The following AGBL1 variants were observed in gnomAD, a reference collection of about 807,000 sequenced individuals.
The protein encoded by AGBL1 is AGBL carboxypeptidase 1.
Under a neutral mutation model 118.9 loss-of-function variants are expected in AGBL1, and 130 were observed. The ratio of observed to expected loss-of-function variants is 1.09; its 90% CI spans 0.95 to 1.26. The LOEUF (loss-of-function observed/expected upper bound fraction) is 1.26. Among genes scored for constraint, AGBL1 ranks in the 50% most tolerant of loss-of-function variants. AGBL1 has a pLI of 0.00. For synonymous variants in AGBL1, 555 were observed against 478.9 expected, an observed-to-expected ratio of 1.16 and a Z score of -2.08; for missense variants, 1,584 against 1,298.1, an observed-to-expected ratio of 1.22 and a Z score of -3.38.
intron 18 of AGBL1, among the ~76,000 whole-genome samples, chr15:86,508,947 A>C (rs953304623): frequency 3.3e-5 from 5 of 152,134 alleles, no homozygotes; most frequent in African/African-American, 1.2e-4. Context: ...TATGACACTT[A>C]AGCCTAAGAA....
chr15:86,201,889 C>T (rs544725642), intron 5 of AGBL1, among the ~76,000 whole-genome samples: 14 of 152,174 alleles, frequency 9.2e-5, no homozygotes, highest in Non-Finnish European at 1.8e-4. Context: ...GCAACTCACA[C>T]AAGGACAGAT....
At chr15:86,668,916 C>A (rs1042344353) in intron 21 of AGBL1, among the ~76,000 whole-genome samples, 1 of 152,116 alleles carries the variant, frequency 6.6e-6, no homozygotes, top group Non-Finnish European at 1.5e-5. Flanking sequence ...CTAAACACAG[C>A]CCTCCTTCAA....
At chr15:86,116,977 C>A (rs973004209) in intron 1 of AGBL1, among the ~76,000 whole-genome samples, 2 of 139,732 alleles carry the variant, frequency 1.4e-5, no homozygotes, top group Admixed American at 7.4e-5. Context: ...AACATGTTTT[C>A]GTGTTACTTA....
At chr15:86,119,081 C>A (rs1299014646) in intron 1 of AGBL1, among the ~76,000 whole-genome samples, 1 of 152,184 alleles carries the variant, frequency 6.6e-6, no homozygotes, top group African/African-American at 2.4e-5. Context: ...TTGCTCCTTT[C>A]TCTAGATTAT....
rs996106844 is a variant in AGBL1, at chr15:86,108,738, C to T, written c.51+28715C>T. ...CTTTGGGAGGCCGAGACGGGCGGAT[C>T]ACGAGGTCAAGAGATCGAAGCCATC... On this transcript the variant is annotated intron_variant, in intron 1 of 22. Transcript: ENST00000614907. Among the ~76,000 whole-genome samples the T allele has an allele frequency of 4.7e-4, 72 of 152,280 alleles. 1 individual carries two copies. The highest frequency in any genetic ancestry group is 1.5e-3 in the African/African-American group (64 of 41,552).
chr15:86,929,712 G>C (rs767742401), intron 23 of AGBL1, among the ~76,000 whole-genome samples: 3 of 152,188 alleles, frequency 2.0e-5, no homozygotes, highest in Non-Finnish European at 4.4e-5. Flanking sequence ...GAGGAATCCG[G>C]GCTTTCCAGA....
At chr15:86,365,859 C>G (rs1444592214) in intron 17 of AGBL1, among the ~76,000 whole-genome samples, 1 of 152,158 alleles carries the variant, frequency 6.6e-6, no homozygotes, top group African/African-American at 2.4e-5. Flanking sequence ...CAGGGCCAAT[C>G]TGTGCTTCGT....
chr15:86,211,927 C>T (rs529141530), intron 5 of AGBL1, among the ~76,000 whole-genome samples: 308 of 152,232 alleles, frequency 2.0e-3, no homozygotes, highest in Admixed American at 3.9e-3. Flanking sequence ...GTGTTGTTCA[C>T]GCTGGGAACT....
chr15:86,233,858 C>G (rs553869976), intron 6 of AGBL1, among the ~76,000 whole-genome samples: 2 of 152,292 alleles, frequency 1.3e-5, no homozygotes, highest in African/African-American at 4.8e-5. Flanking sequence ...GGGTCAGCTT[C>G]CAGTTGGGAT....
At chr15:87,031,392 C>A (rs2081781194), downstream of AGBL1, among the ~76,000 whole-genome samples, 1 of 151,794 alleles carries the variant, frequency 6.6e-6, no homozygotes, top group Non-Finnish European at 1.5e-5. Flanking sequence ...ATATGTGGCT[C>A]CCTTATTGTA....
At chr15:86,377,904 A>C (rs982963363) in intron 17 of AGBL1, among the ~76,000 whole-genome samples, 2 of 152,212 alleles carry the variant, frequency 1.3e-5, no homozygotes, top group Non-Finnish European at 2.9e-5. Context: ...CTCATAAGAT[A>C]CATATCCTGC....
chr15:86,744,875 T>C (rs2077732117), intron 22 of AGBL1, among the ~76,000 whole-genome samples: 1 of 152,188 alleles, frequency 6.6e-6, no homozygotes, highest in East Asian at 1.9e-4. Flanking sequence ...AGGTGCCAGA[T>C]TGGTGTCATT....
At chr15:86,517,233 C>A (rs2083132761) in intron 18 of AGBL1, among the ~76,000 whole-genome samples, 1 of 152,142 alleles carries the variant, frequency 6.6e-6, no homozygotes, top group South Asian at 2.1e-4. Context: ...AGTAATAATT[C>A]CTTTGTGAAT....
Position 86,318,547 on chromosome 15 carries a change from G to A in AGBL1, c.2374+23139G>A, listed in dbSNP as rs747742908. Among the ~76,000 whole-genome samples the A allele has an allele frequency of 1.1e-3, 168 of 151,776 alleles. 2 individuals are homozygous for A. The highest frequency in any genetic ancestry group is 1.5e-3 in the South Asian group (7 of 4,796). ...GTGTGTAGCTATTAATAAAGCCTGG[G>A]TCCAAAGACCACTAGAGCCAGATGT... On this transcript the variant is annotated intron_variant, in intron 17 of 22. Transcript: ENST00000614907.
At chr15:86,883,102 A>G (rs1008344958) in intron 22 of AGBL1, among the ~76,000 whole-genome samples, 7 of 152,238 alleles carry the variant, frequency 4.6e-5, no homozygotes, top group African/African-American at 1.7e-4. Flanking sequence ...TTATATCCTC[A>G]TTAATAGATG....
chr15:86,397,329 A>C, intron 17 of AGBL1, 37 bp from the exon 18 acceptor site: 1 of 1,402,826 alleles, frequency 7.1e-7, no homozygotes, highest in African/African-American at 1.4e-5. Flanking sequence ...CAATATTAAA[A>C]TTTGGGTTTA....
intron 21 of AGBL1, among the ~76,000 whole-genome samples, chr15:86,567,833 A>G (rs1363474594): frequency 6.6e-6 from 1 of 151,840 alleles, no homozygotes; most frequent in Admixed American, 6.6e-5. Flanking sequence ...GATCTGGGGC[A>G]TGGTCCAGGA....
At chr15:86,138,585 G>A (rs1271691359) in intron 1 of AGBL1, among the ~76,000 whole-genome samples, 1 of 152,180 alleles carries the variant, frequency 6.6e-6, no homozygotes, top group Non-Finnish European at 1.5e-5. Context: ...TTTGCGAGAT[G>A]AATGCATGAA....
intron 17 of AGBL1, among the ~76,000 whole-genome samples, chr15:86,380,724 T>C (rs4324092): frequency 0.027 from 4,184 of 152,326 alleles, 209 homozygotes; most frequent in African/African-American, 0.095. Context: ...ATGCACATGC[T>C]TGGCTTAAAA....
Sources: gnomAD v4.1 joint callset for allele counts (sites outside exome capture counted in the v4.1 genomes callset) on GRCh38, gnomAD v4.1.1 for gene constraint, MANE v1.5 for transcripts, NCBI Gene and HGNC (gene_info 2026-07-23, HGNC 2026-07-21) for gene names.